The following TRIM37 variants were observed in gnomAD, a reference collection of about 807,000 sequenced individuals.
The protein encoded by TRIM37 is tripartite motif containing 37.
In TRIM37, 80 loss-of-function variants were observed where a neutral mutation model predicts 129.8. The observed-to-expected ratio is 0.62, with a 90% confidence interval of 0.51 to 0.74. TRIM37 has a LOEUF of 0.74. Ranked by LOEUF, TRIM37 falls within the 30% of genes least tolerant of loss-of-function variation. The pLI is 0.00. For synonymous variants in TRIM37, 389 were observed against 387.1 expected (o/e 1.00, Z -0.06); for missense variants, 1,054 against 1,176.5 (o/e 0.90, Z 1.52).
intron 24 of TRIM37, chr17:58,985,130 T>C (rs1473982904): frequency 1.3e-5 from 2 of 152,662 alleles, no homozygotes; most frequent in Admixed American, 6.5e-5. Context: ...GTAAGGTGTA[T>C]GTTGAAATTT....
At position 59,028,737 on chromosome 17, in the gene TRIM37, G is replaced by T. The variant is rs763867733; in HGVS notation, c.1949-14C>A. ...GAGAATATGATGCTTCAGAGAAATT[G>T]ACAAGTCATGTTAACATAAACGTTA... On this transcript the variant is annotated splice_polypyrimidine_tract_variant and intron_variant, in intron 18 of 23. Coordinates refer to ENST00000262294, the MANE Select transcript of TRIM37 (RefSeq NM_015294.6). 69 of 1,613,524 alleles carry T rather than the reference G, an allele frequency of 4.3e-5. No individual in the cohort carries two copies. The Admixed American group carries it at 1.1e-3, about 27-fold the overall frequency.
intron 18 of TRIM37, 95 bp from the exon 19 acceptor site, chr17:59,028,818 G>A: frequency 1.5e-6 from 2 of 1,316,004 alleles, no homozygotes; most frequent in Non-Finnish European, 2.2e-6. Flanking sequence ...TGTAAAATAA[G>A]CTAGCGTGCT....
At chr17:59,037,557 C>T (rs1335092525) in intron 17 of TRIM37, among the ~76,000 whole-genome samples, 40 of 74,010 alleles carry the variant, frequency 5.4e-4, no homozygotes, top group East Asian at 9.7e-4. Context: ...GACTCTGTCT[C>T]AAAAAAAAAA....
chr17:59,093,483 T>C (rs996197465), intron 2 of TRIM37, among the ~76,000 whole-genome samples: 1 of 152,202 alleles, frequency 6.6e-6, no homozygotes, highest in Non-Finnish European at 1.5e-5. Flanking sequence ...CATAAGTTGC[T>C]TTCTCCAAAA....
intron 3 of TRIM37, among the ~76,000 whole-genome samples, chr17:59,089,208 C>A (rs1393880726): frequency 6.6e-6 from 1 of 152,040 alleles, no homozygotes; most frequent in Non-Finnish European, 1.5e-5. Context: ...GAGCCAAGAT[C>A]ATGCCTCTGC....
At position 59,015,799 on chromosome 17, in the gene TRIM37, C is replaced by G. The variant is rs566626073; in HGVS notation, c.2387G>C (p.Gly796Ala). ...SKGDCQTLSE[G>A]SPGSSQSGSR... is the part of the protein sequence containing the mutation. Reference sequence around the variant, plus strand: ...CCCAGACTGAGAGCTTCCTGGGGAGCCTTCAAAAAAAGGAAGATGGAATAC... The same window carrying G: ...CCCAGACTGAGAGCTTCCTGGGGAGGCTTCAAAAAAAGGAAGATGGAATAC... The change falls in exon 21 of 24, where the codon GGC becomes GCC. Residue 796 changes from glycine to alanine, a missense_variant and splice_region_variant. By Grantham distance (60) the Gly-to-Ala change is moderately conservative. Transcript: ENST00000262294. The G allele has an allele frequency of 2.7e-5, 43 of 1,612,292 alleles. No individual in the cohort carries two copies. In the East Asian group the frequency reaches 8.9e-4, roughly 33 times the overall value.
intron 21 of TRIM37, among the ~76,000 whole-genome samples, chr17:59,012,875 C>CA (rs71367654): frequency 0.27 from 34,874 of 129,466 alleles, 4,313 homozygotes; most frequent in African/African-American, 0.36. Context: ...GACTCTGTCT[C>CA]AAAAAAAAAA....
intron 24 of TRIM37, chr17:58,985,165 G>A (rs1470233387): frequency 6.6e-6 from 1 of 152,546 alleles, no homozygotes; most frequent in Non-Finnish European, 1.5e-5. Context: ...ATAAAACCTG[G>A]CAATTTAAAA....
chr17:59,079,024 C>A (rs1241943879), intron 7 of TRIM37, among the ~76,000 whole-genome samples: 2 of 147,704 alleles, frequency 1.4e-5, no homozygotes, highest in African/African-American at 5.0e-5. Context: ...AAAGACATGG[C>A]TAAAATCTTG....
At chr17:58,980,098 G>A (rs745366783), downstream of TRIM37, 3 of 1,614,006 alleles carry the variant, frequency 1.9e-6, no homozygotes, top group African/African-American at 4.0e-5. This position sits in a 1 kb window ranked among gnomAD's most constrained non-coding sequence, Gnocchi z 4.7. Context: ...ACCCTGATGA[G>A]GCAGTGAAAG....
downstream of TRIM37, chr17:58,980,788 AAAG>A: frequency 6.2e-7 from 1 of 1,614,140 alleles, no homozygotes; most frequent in South Asian, 1.1e-5. This position sits in a 1 kb window ranked among gnomAD's most constrained non-coding sequence, Gnocchi z 4.7. Flanking sequence ...ACCACTACTC[AAAG>A]AAGTGGCACA....
chr17:59,035,740 C>CA (rs1290815641), intron 17 of TRIM37, among the ~76,000 whole-genome samples: 3 of 149,438 alleles, frequency 2.0e-5, no homozygotes, highest in East Asian at 4.0e-4. Flanking sequence ...GAGCGAGATT[C>CA]AAAAAAACAA....
chr17:59,071,778 A>T (rs2042393732), intron 8 of TRIM37, among the ~76,000 whole-genome samples: 1 of 152,162 alleles, frequency 6.6e-6, no homozygotes, highest in Non-Finnish European at 1.5e-5. Context: ...TAAGACTACT[A>T]ATTTTTTCTT....
chr17:59,017,303 C>G lies in TRIM37; in HGVS notation c.2379G>C (p.Leu793=), dbSNP rs769851075. 2 of 1,614,162 alleles carry G rather than the reference C, an allele frequency of 1.2e-6. No individual in the cohort carries two copies. Among genetic ancestry groups the G allele is most frequent in the Admixed American group, 1.7e-5 (1 of 60,026 alleles). The change falls in exon 20 of 24, where the codon CTG becomes CTC. Residue 793 remains leucine (L), a synonymous_variant. Coordinates refer to ENST00000262294, the MANE Select transcript of TRIM37 (RefSeq NM_015294.6). ...TGAATCCCTCAAATTTACCTTCAGA[C>G]AGAGTCTGACAGTCTCCCTTTGAAC... ...NSRSKGDCQT[L]SEGSPGSSQS...
chr17:59,038,196 A>G (rs2038770031), intron 17 of TRIM37, among the ~76,000 whole-genome samples: 1 of 152,202 alleles, frequency 6.6e-6, no homozygotes, highest in Non-Finnish European at 1.5e-5. Flanking sequence ...GCAAGTAACT[A>G]AGCACAGCCT....
At chr17:59,015,946 A>G in intron 20 of TRIM37, 147 bp from the exon 21 acceptor site, 1 of 679,386 alleles carries the variant, frequency 1.5e-6, no homozygotes. Context: ...GCTACACTCC[A>G]GCCTGGACAA....
chr17:59,073,101 ATCCT>A (rs1482969084), intron 8 of TRIM37: 1 of 152,202 alleles, frequency 6.6e-6, no homozygotes, highest in African/African-American at 2.4e-5. Flanking sequence ...TACTGTGTAT[ATCCT>A]TCCTTGACAC....
rs1006683208 is a variant in TRIM37, at chr17:59,028,474, T to C, written c.2198A>G (p.Gln733Arg). The change falls in exon 19 of 24, where the codon CAG becomes CGG. Residue 733 changes from glutamine to arginine, a missense_variant. By Grantham distance (43) the Gln-to-Arg change is conservative (BLOSUM62 1). Around this residue, in one of 3 missense-constraint regions of TRIM37, gnomAD observed 15 missense variants for 31.4 expected, o/e 0.48. Transcript: ENST00000262294. ...ACGTENSGRL[Q>R]DLGMELLAKS... ...TGCCAGGAGTTCCATTCCCAAATCC[T>C]GCAATCTGCCAGAGTTTTCAGTTCC... 9.3e-6 allele frequency: 15 copies of C among 1,614,040 alleles called. No individual in the cohort carries two copies. Among genetic ancestry groups the C allele is most frequent in the Non-Finnish European group, 1.3e-5 (15 of 1,180,042 alleles).
intron 2 of TRIM37, among the ~76,000 whole-genome samples, 177 bp from the exon 3 acceptor site, chr17:59,091,517 ATATAATG>A (rs1274509609): frequency 7.7e-6 from 1 of 129,926 alleles, no homozygotes; most frequent in Admixed American, 9.5e-5. Context: ...TATCATATAT[ATATAATG>A]TATAATGTAT....
Sources: gnomAD v4.1 joint callset for allele counts (sites outside exome capture counted in the v4.1 genomes callset) on GRCh38, gnomAD v4.1.1 for gene constraint, gnomAD v4.1.1 regional missense constraint, Gnocchi (gnomAD v3.1) non-coding constraint, MANE v1.5 for transcripts, NCBI Gene and HGNC (gene_info 2026-07-23, HGNC 2026-07-21) for gene names.